PRDM4: variants seen among roughly 807,000 people sequenced by gnomAD.
The protein encoded by PRDM4 is PR/SET domain 4.
In PRDM4, 38 loss-of-function variants were observed where a neutral mutation model predicts 62.3. The ratio of observed to expected loss-of-function variants is 0.61; its 90% CI spans 0.47 to 0.80. The LOEUF (loss-of-function observed/expected upper bound fraction) is 0.80, where lower values mean the gene tolerates loss of function less well. PRDM4 is among the 30% of genes least tolerant of loss of function. The pLI is 0.00. For missense variants in PRDM4, 858 were observed against 997.1 expected, an observed-to-expected ratio of 0.86 and a Z score of 1.88; for synonymous variants, 339 against 348.2, an observed-to-expected ratio of 0.97 and a Z score of 0.30.
At chr12:107,735,102 G>T (rs550721674) in intron 11 of PRDM4, among the ~76,000 whole-genome samples, 13 of 152,182 alleles carry the variant, frequency 8.5e-5, no homozygotes, top group Non-Finnish European at 1.8e-4. Flanking sequence ...CTGGGCTCAA[G>T]TGATCTGTCC....
rs1447538694 is a variant in PRDM4, at chr12:107,734,503, G to T, written c.2113C>A (p.Pro705Thr). ...IHTQERQIKC[P>T]KCDKLFLRTN... ...CTCAAGAACAGCTTATCACACTTGG[G>T]ACACTTGATCTGGCGTTCTCTAAGA... The change falls in exon 12 of 12, where the codon CCC becomes ACC. Residue 705 changes from proline to threonine, a missense_variant. Transcript: ENST00000228437. The T allele has an allele frequency of 6.2e-7, 1 of 1,612,506 alleles. No individual in the cohort carries two copies. Among genetic ancestry groups the T allele is most frequent in the South Asian group, 1.1e-5 (1 of 90,930 alleles).
chr12:107,742,265 T>C lies in PRDM4; in HGVS notation c.1565A>G (p.Asn522Ser), dbSNP rs1890540047. ...TCGGCTATAATAAAAAAGCAGTTCA[T>C]TTTCAGGAGGGATATCTTGTGAGGT... ...FCTSQDIPPENELLFYYSRDY... is the reference protein window; with the variant it reads ...FCTSQDIPPESELLFYYSRDY... Residue 522 changes from asparagine to serine, a missense_variant, in exon 9 of 12, where the codon AAT becomes AGT. Coordinates refer to ENST00000228437, the MANE Select transcript of PRDM4 (RefSeq NM_012406.4). 6.2e-7 allele frequency: 1 copy of C among 1,613,498 alleles called. No homozygotes were observed. The highest frequency in any genetic ancestry group is 8.5e-7 in the Non-Finnish European group (1 of 1,179,522).
chr12:107,759,666 A>G (rs1891168947), intron 2 of PRDM4: 1 of 152,250 alleles, frequency 6.6e-6, no homozygotes. Flanking sequence ...AAAGGTAATG[A>G]GTATCCCACA....
rs1890498420 is a variant in PRDM4 at position 107,740,955 on chromosome 12, T to C, written c.1915A>G (p.Ile639Val). 4 of 1,613,592 alleles carry C rather than the reference T, an allele frequency of 2.5e-6. No homozygotes were observed. The highest frequency in any genetic ancestry group is 2.5e-6 in the Non-Finnish European group (3 of 1,179,678). Residue 639 changes from isoleucine to valine, a missense_variant, in exon 10 of 12, where the codon ATA becomes GTA. Ile to Val is a conservative substitution (Grantham distance 29). Coordinates refer to ENST00000228437, the MANE Select transcript of PRDM4 (RefSeq NM_012406.4). ...GGCCAACACAACTTACCTGTATGTATCTTGAGGTGGGTCCGCAGGTTGCTG... is the reference window on the plus strand; with the variant it reads ...GGCCAACACAACTTACCTGTATGTACCTTGAGGTGGGTCCGCAGGTTGCTG... The part of the protein sequence containing the change: ...DPSNLRTHLK[I>V]HTGQKNYRCT...
rs1159125966 is a variant in PRDM4 at position 107,739,366 on chromosome 12, G to C, written c.2093+17C>G. ...TCACCACCTGAGGAACGACGTCTTG[G>C]CTGCAGGGTAACTTACTGAGTGTGG... On this transcript the variant is annotated intron_variant, in intron 11 of 11. Transcript: ENST00000228437. 15 of 1,610,332 alleles carry C rather than the reference G, an allele frequency of 9.3e-6. No individual in the cohort carries two copies. The highest frequency in any genetic ancestry group is 1.3e-5 in the Non-Finnish European group (15 of 1,178,404).
chr12:107,751,332 T>A, intron 5 of PRDM4, 83 bp downstream of exon 5: 1 of 1,398,280 alleles, frequency 7.2e-7, no homozygotes, highest in South Asian at 1.4e-5. Context: ...ACTCCCTTAA[T>A]GCCAAACTTT....
At position 107,761,049 on chromosome 12, in the gene PRDM4, CCCCCTCA is replaced by C. The variant is rs1252266541; in HGVS notation, c.-356_-350del. 6.6e-6 allele frequency: 1 copy of C among 151,526 alleles called. No individual in the cohort carries two copies. Among genetic ancestry groups the C allele is most frequent in the Non-Finnish European group, 1.5e-5 (1 of 67,956 alleles). The allele number at this position is 151,526 out of a possible 1,614,324, so 9.4% of individuals were successfully genotyped here. A position where few individuals can be genotyped will look rare whatever the true frequency, so the allele number is the denominator to read the frequency against. On this transcript the variant is annotated 5_prime_UTR_variant, in exon 1 of 12. Coordinates refer to ENST00000228437, the MANE Select transcript of PRDM4 (RefSeq NM_012406.4). Reference sequence around the variant, plus strand: ...CTCGGGGCCCTGCCCGTCCGCTCGGCCCCCTCACCCCGGGGGCCGCTGCCCTAACGTT... The same window carrying C: ...CTCGGGGCCCTGCCCGTCCGCTCGGCCCCCGGGGGCCGCTGCCCTAACGTT...
chr12:107,744,117 G>GA (rs771541692), intron 7 of PRDM4, among the ~76,000 whole-genome samples: 345 of 147,992 alleles, frequency 2.3e-3, no homozygotes, highest in African/African-American at 6.6e-3. Flanking sequence ...CCATCTCAAG[G>GA]AAGAAAAAAA....
At chr12:107,734,573 T>C in intron 11 of PRDM4, 51 bp from the exon 12 acceptor site, 1 of 1,526,328 alleles carries the variant, frequency 6.6e-7, no homozygotes, top group Non-Finnish European at 8.9e-7. Context: ...AAATAACAAC[T>C]GAGGCAACAC....
chr12:107,754,765 G>C (rs917126997), intron 3 of PRDM4: 1 of 152,116 alleles, frequency 6.6e-6, no homozygotes, highest in Admixed American at 6.6e-5. Flanking sequence ...ATGTTCATAG[G>C]AGTAGTCCCT....
At chr12:107,757,280 G>GT (rs1399820907) in intron 2 of PRDM4, among the ~76,000 whole-genome samples, 10 of 151,648 alleles carry the variant, frequency 6.6e-5, no homozygotes, top group East Asian at 1.9e-4. Flanking sequence ...GGCAATGACA[G>GT]TTTTTTTTTA....
At position 107,748,418 on chromosome 12, in the gene PRDM4, C is replaced by A. The variant is rs1890787120; in HGVS notation, c.1127-1994G>T. 2.6e-5 allele frequency among the ~76,000 whole-genome samples: 4 copies of A among 152,104 alleles called. No individual in the cohort carries two copies. The South Asian group carries it at 8.3e-4, about 32-fold the overall frequency. Reference sequence around the variant, plus strand: ...AGCATTATTCATAGTAGCCAAAAAGCAGAAACAACCCAAATGTCCATCAAC... The same window carrying A: ...AGCATTATTCATAGTAGCCAAAAAGAAGAAACAACCCAAATGTCCATCAAC... On this transcript the variant is annotated intron_variant, in intron 5 of 11. Transcript: ENST00000228437.
chr12:107,758,238 CTTTTTTTTTTTT>C (rs3070881), intron 2 of PRDM4: 1 of 101,896 alleles, frequency 9.8e-6, no homozygotes, highest in African/African-American at 4.0e-5. Context: ...TCTTAATCTT[CTTTTTTTTTTTT>C]TTTTTTTTTT....
chr12:107,735,672 CAAT>C (rs1890303691), intron 11 of PRDM4, among the ~76,000 whole-genome samples: 1 of 151,398 alleles, frequency 6.6e-6, no homozygotes, highest in African/African-American at 2.4e-5. Flanking sequence ...GTCAAAATGT[CAAT>C]AATGTCAAGG....
Position 107,746,113 on chromosome 12 carries a change from A to G in PRDM4, c.1276+162T>C, listed in dbSNP as rs561455682. 3.9e-4 allele frequency among the ~76,000 whole-genome samples: 60 copies of G among 152,362 alleles called. 1 individual carries two copies. Among genetic ancestry groups the G allele is most frequent in the African/African-American group, 1.4e-3 (57 of 41,586 alleles). On this transcript the variant is annotated intron_variant, in intron 6 of 11. Coordinates refer to ENST00000228437, the MANE Select transcript of PRDM4 (RefSeq NM_012406.4). ...AAAGTTTTTGACTTGATTTATTGCTATCATCAGTGGACAAGACTAATATTC... is the reference window on the plus strand; with the variant it reads ...AAAGTTTTTGACTTGATTTATTGCTGTCATCAGTGGACAAGACTAATATTC...
intron 6 of PRDM4, among the ~76,000 whole-genome samples, chr12:107,745,531 T>C (rs1428544409): frequency 6.6e-6 from 1 of 151,758 alleles, no homozygotes; most frequent in African/African-American, 2.4e-5. Context: ...GTACTCCGTA[T>C]GTTAGGCCAG....
chr12:107,737,375 G>A (rs971941684), intron 11 of PRDM4, among the ~76,000 whole-genome samples: 2 of 152,038 alleles, frequency 1.3e-5, no homozygotes, highest in African/African-American at 4.8e-5. Flanking sequence ...CCATTTTGAG[G>A]GAACAGTGCT....
At chr12:107,734,643 T>C in intron 11 of PRDM4, 121 bp from the exon 12 acceptor site, 2 of 893,240 alleles carry the variant, frequency 2.2e-6, no homozygotes, top group Non-Finnish European at 3.5e-6. Flanking sequence ...ATCAGGCTTT[T>C]GCATAGGTGA....
In PRDM4 at chr12:107,760,372, T is replaced by C. The variant is rs141824992; in HGVS notation, c.11+133A>G. ...TTACATTCCACCCAACACTAGTTTCTGGATTTGTTTCCTTTGCAAATCACA... is the reference window on the plus strand; with the variant it reads ...TTACATTCCACCCAACACTAGTTTCCGGATTTGTTTCCTTTGCAAATCACA... On this transcript the variant is annotated intron_variant, in intron 2 of 11. Transcript: ENST00000228437. The C allele has an allele frequency of 2.6e-6, 3 of 1,169,872 alleles. No individual in the cohort carries two copies. In the East Asian group the frequency reaches 8.1e-5, roughly 32 times the overall value. 72.5% of individuals were successfully genotyped at this position (1,169,872 alleles called of 1,614,324 possible).
Sources: allele counts gnomAD v4.1 joint callset (sites outside exome capture counted in the v4.1 genomes callset), GRCh38; gene constraint gnomAD v4.1.1; transcripts MANE v1.5; gene names NCBI Gene and HGNC (gene_info 2026-07-23, HGNC 2026-07-21).